CTNNA2: variants seen among roughly 807,000 people sequenced by gnomAD.
CTNNA2 encodes catenin alpha 2, also known as catenin alpha-2.
Under a neutral mutation model 101.0 loss-of-function variants are expected in CTNNA2, and 42 were observed. The observed-to-expected ratio is 0.42, with a 90% confidence interval of 0.32 to 0.54. The LOEUF is 0.54. CTNNA2 is among the 20% of genes least tolerant of loss of function. CTNNA2 has a pLI of 0.14. For missense variants in CTNNA2, 871 were observed against 1,223.1 expected (o/e 0.71, Z 4.29); for synonymous variants, 450 against 456.4 (o/e 0.99, Z 0.18).
At chr2:79,578,053 A>G (rs1573389233) in intron 1 of CTNNA2, among the ~76,000 whole-genome samples, 1 of 152,172 alleles carries the variant, frequency 6.6e-6, no homozygotes, top group Non-Finnish European at 1.5e-5. Context: ...ACCGATTCTT[A>G]TGTGGAATAG....
intron 9 of CTNNA2, among the ~76,000 whole-genome samples, chr2:80,529,765 C>G (rs1360561669): frequency 6.6e-6 from 1 of 152,122 alleles, no homozygotes; most frequent in African/African-American, 2.4e-5. Flanking sequence ...GTCAGAACAC[C>G]AACTTAAGCT....
chr2:79,815,030 T>C (rs1574039868), intron 3 of CTNNA2, among the ~76,000 whole-genome samples: 1 of 152,334 alleles, frequency 6.6e-6, no homozygotes, highest in East Asian at 1.9e-4. Flanking sequence ...TTATTGGTGA[T>C]GTTGAGCATT....
chr2:80,130,592 T>C (rs1702359671), intron 7 of CTNNA2, among the ~76,000 whole-genome samples: 1 of 152,180 alleles, frequency 6.6e-6, no homozygotes, highest in Admixed American at 6.5e-5. Context: ...TAGAGAAAGA[T>C]TAAACGACAG....
chr2:79,761,872 A>G (rs1288361069), intron 3 of CTNNA2, among the ~76,000 whole-genome samples: 1 of 152,214 alleles, frequency 6.6e-6, no homozygotes, highest in African/African-American at 2.4e-5. Context: ...AGTCATCTGC[A>G]ATATTACCTA....
At chr2:80,331,705 A>C (rs886686853) in intron 7 of CTNNA2, among the ~76,000 whole-genome samples, 2 of 152,188 alleles carry the variant, frequency 1.3e-5, no homozygotes, top group Non-Finnish European at 2.9e-5. Flanking sequence ...CCAAAAGGGC[A>C]GGGTGATCTC....
At chr2:79,512,154 G>A (rs1029504019), upstream of CTNNA2, among the ~76,000 whole-genome samples, 1 of 152,110 alleles carries the variant, frequency 6.6e-6, no homozygotes, top group African/African-American at 2.4e-5. Context: ...ATGGCTGGCG[G>A]CGCAAACACT....
chr2:79,901,670 G>A (rs1000225659), intron 6 of CTNNA2, among the ~76,000 whole-genome samples: 4 of 152,182 alleles, frequency 2.6e-5, no homozygotes, highest in African/African-American at 9.7e-5. Flanking sequence ...AAGCCAGAAA[G>A]TGTAAAGATG....
chr2:80,552,186 CG>C (rs1692617424), intron 11 of CTNNA2, among the ~76,000 whole-genome samples: 1 of 151,924 alleles, frequency 6.6e-6, no homozygotes, highest in Non-Finnish European at 1.5e-5. Context: ...ATCATCAAAA[CG>C]ATAATGAAAA....
intron 2 of CTNNA2, among the ~76,000 whole-genome samples, chr2:79,200,099 G>A (rs1482217862): frequency 6.6e-6 from 1 of 152,034 alleles, no homozygotes; most frequent in Non-Finnish European, 1.5e-5. Context: ...CATCATGAAG[G>A]TATCAGATTA....
At chr2:79,294,201 GAGAAGAAGAAGAGGAAGAAGAAGAAGA>G (rs1675909317) in intron 2 of CTNNA2, among the ~76,000 whole-genome samples, 1 of 145,282 alleles carries the variant, frequency 6.9e-6, no homozygotes, top group Admixed American at 6.9e-5. Context: ...GAGAGAGAGA[GAGAAGAAGAAGAGGAAGAAGAAGAAGA>G]AGAAGAAGAA....
At chr2:79,999,104 T>C (rs931630959) in intron 7 of CTNNA2, among the ~76,000 whole-genome samples, 1 of 152,082 alleles carries the variant, frequency 6.6e-6, no homozygotes, top group Non-Finnish European at 1.5e-5. Context: ...ATGAAGGACA[T>C]CTGAGCCTTG....
chr2:80,306,493 T>C lies in CTNNA2; in HGVS notation c.1057-86718T>C, dbSNP rs548269753. 7.4e-4 allele frequency among the ~76,000 whole-genome samples: 112 copies of C among 151,588 alleles called. 1 individual carries two copies. The highest frequency in any genetic ancestry group is 2.6e-3 in the African/African-American group (108 of 41,208). On this transcript the variant is annotated intron_variant, in intron 7 of 18. Transcript: ENST00000402739. ...TTCTTTCTTAATTTGCCATTCTTGA[T>C]GATTGCCTCTCTGTCACTCTTGCTG... is the stretch of plus-strand genomic sequence containing the variant.
At chr2:79,773,563 A>C (rs1239055614) in intron 3 of CTNNA2, among the ~76,000 whole-genome samples, 2 of 152,174 alleles carry the variant, frequency 1.3e-5, no homozygotes, top group Non-Finnish European at 1.5e-5. Context: ...CTATCTCAGT[A>C]AGCAGAGGGG....
chr2:79,529,525 A>G (rs964384682), intron 1 of CTNNA2, among the ~76,000 whole-genome samples: 12 of 152,090 alleles, frequency 7.9e-5, no homozygotes, highest in Non-Finnish European at 4.4e-5. Flanking sequence ...CTGTGGAAGT[A>G]GATGAAATGC....
chr2:79,305,317 CATAT>C (rs918214967), intron 2 of CTNNA2, among the ~76,000 whole-genome samples: 2 of 147,066 alleles, frequency 1.4e-5, no homozygotes, highest in Non-Finnish European at 3.0e-5. Flanking sequence ...TATATATACA[CATAT>C]ATATACATAT....
chr2:80,119,519 G>A (rs1293707441), intron 7 of CTNNA2, among the ~76,000 whole-genome samples: 1 of 152,156 alleles, frequency 6.6e-6, no homozygotes, highest in South Asian at 2.1e-4. Context: ...TGTTCATGTA[G>A]GTGTGAAACT....
chr2:79,437,677 G>T (rs1678731862), intron 4 of CTNNA2, among the ~76,000 whole-genome samples: 1 of 152,202 alleles, frequency 6.6e-6, no homozygotes, highest in African/African-American at 2.4e-5. Context: ...AGCCGAGCTA[G>T]GTCAGGAGCA....
intron 7 of CTNNA2, among the ~76,000 whole-genome samples, chr2:80,314,692 T>C (rs1243163726): frequency 6.6e-6 from 1 of 152,234 alleles, no homozygotes; most frequent in Non-Finnish European, 1.5e-5. Flanking sequence ...GTCTGCCTCA[T>C]GGTTCTATGT....
chr2:79,214,917 A>T (rs1265118903), intron 2 of CTNNA2, among the ~76,000 whole-genome samples: 1 of 151,986 alleles, frequency 6.6e-6, no homozygotes, highest in Non-Finnish European at 1.5e-5. Flanking sequence ...ACAGTTCTGG[A>T]GGCAAGGGAA....
Sources: allele counts gnomAD v4.1 joint callset (sites outside exome capture counted in the v4.1 genomes callset), GRCh38; gene constraint gnomAD v4.1.1; transcripts MANE v1.5; gene names NCBI Gene and HGNC (gene_info 2026-07-23, HGNC 2026-07-21).